The following CUX1 variants were observed in gnomAD, a reference collection of about 807,000 sequenced individuals.
The protein encoded by CUX1 is protein CASP.
Under a neutral mutation model 158.8 loss-of-function variants are expected in CUX1, and 31 were observed. That is an observed-to-expected ratio of 0.20 (90% confidence interval 0.15 to 0.26). The LOEUF (loss-of-function observed/expected upper bound fraction) is 0.26, where lower values mean the gene tolerates loss of function less well. Among genes scored for constraint, CUX1 ranks in the 10% least tolerant of loss-of-function variants. The pLI is 1.00. For synonymous variants in CUX1, 879 were observed against 862.1 expected, an observed-to-expected ratio of 1.02 and a Z score of -0.34; for missense variants, 1,589 against 2,014.6, an observed-to-expected ratio of 0.79 and a Z score of 4.04.
chr7:102,224,455 G>A (rs896828074), intron 20 of CUX1, among the ~76,000 whole-genome samples: 6 of 152,154 alleles, frequency 3.9e-5, no homozygotes, highest in Non-Finnish European at 5.9e-5. Context: ...TGATCTGCCC[G>A]CCTCAGCCTC....
chr7:101,996,227 C>T (rs901017314), intron 2 of CUX1, among the ~76,000 whole-genome samples: 5 of 152,170 alleles, frequency 3.3e-5, no homozygotes, highest in Admixed American at 2.6e-4. Flanking sequence ...AAGGCATGCA[C>T]ATGAGGATGG....
chr7:101,874,574 G>A (rs1020887878), intron 1 of CUX1, among the ~76,000 whole-genome samples: 12 of 152,184 alleles, frequency 7.9e-5, no homozygotes, highest in African/African-American at 2.2e-4. Flanking sequence ...ACGTTTCTGC[G>A]AGGTGGTGGG....
At chr7:101,844,242 C>G (rs887389242) in intron 1 of CUX1, among the ~76,000 whole-genome samples, 2 of 150,634 alleles carry the variant, frequency 1.3e-5, no homozygotes, top group African/African-American at 2.4e-5. Context: ...CTGCATCTCC[C>G]TGGTTTGCAC....
rs1804158202 is a variant in CUX1, at chr7:101,916,035, C to A, written c.31-80C>A. ...CCACTGGGGTCTCTCCCCCAGTGTT[C>A]TGGTCAAATGCAAATAGGACCCTCC... On this transcript the variant is annotated intron_variant, in intron 1 of 23. Coordinates refer to ENST00000292535, the MANE Select transcript of CUX1 (RefSeq NM_181552.4). The surrounding 1 kb of genome is among the most constrained non-coding windows in gnomAD (Gnocchi z 4.4). 2.0e-6 allele frequency: 2 copies of A among 983,074 alleles called. No individual in the cohort carries two copies. The highest frequency in any genetic ancestry group is 3.3e-6 in the Non-Finnish European group (2 of 611,898). 60.9% of individuals were successfully genotyped at this position (983,074 alleles called of 1,614,324 possible). A position where few individuals can be genotyped will look rare whatever the true frequency, so the allele number is the denominator to read the frequency against.
chr7:102,243,450 T>C (rs1465760477), intron 23 of CUX1, among the ~76,000 whole-genome samples: 1 of 151,784 alleles, frequency 6.6e-6, no homozygotes, highest in Non-Finnish European at 1.5e-5. Flanking sequence ...ATGAGCAGGC[T>C]CTTGAAAGGA....
chr7:101,948,674 G>T (rs1808676083), intron 2 of CUX1, among the ~76,000 whole-genome samples: 1 of 152,138 alleles, frequency 6.6e-6, no homozygotes, highest in African/African-American at 2.4e-5. Context: ...GGCTCTGCTG[G>T]GGGGGCATCA....
Position 102,255,159 on chromosome 7 carries a change from C to G in CUX1, c.*6117C>G. ...CTGGTCAGGGGAATAGAAGGAAATG[C>G]AATTTCCGCCTGTCTGCCCGACTTC... On this transcript the variant is annotated 3_prime_UTR_variant, in exon 24 of 24. Coordinates refer to ENST00000292535, the MANE Select transcript of CUX1 (RefSeq NM_181552.4). 6 of 985,472 alleles carry G rather than the reference C, an allele frequency of 6.1e-6. No individual in the cohort carries two copies. The highest frequency in any genetic ancestry group is 6.0e-6 in the Non-Finnish European group (5 of 829,978). The allele number at this position is 985,472 out of a possible 1,614,324, so 61.0% of individuals were successfully genotyped here.
chr7:101,852,042 C>A (rs1796316178), intron 1 of CUX1, among the ~76,000 whole-genome samples: 4 of 151,798 alleles, frequency 2.6e-5, no homozygotes, highest in African/African-American at 9.7e-5. Context: ...GTTGCCCGGA[C>A]TGGCCTTGAA....
intron 2 of CUX1, among the ~76,000 whole-genome samples, chr7:101,981,617 CTT>C (rs201125709): frequency 6.9e-6 from 1 of 145,626 alleles, no homozygotes. Context: ...AGTTTAAAGT[CTT>C]TTTTTTTTTT....
chr7:102,084,858 C>CTTTTT (rs60908109), intron 4 of CUX1, among the ~76,000 whole-genome samples: 391 of 55,922 alleles, frequency 7.0e-3, no homozygotes, highest in Middle Eastern at 0.025. Context: ...ATTTTCCTTG[C>CTTTTT]TTTTTTTTTT....
intron 3 of CUX1, among the ~76,000 whole-genome samples, chr7:102,042,578 G>C (rs752355156): frequency 6.6e-6 from 1 of 152,060 alleles, no homozygotes; most frequent in Admixed American, 6.6e-5. Flanking sequence ...TTTCCTGAAG[G>C]CTCTGTTATT....
At chr7:102,133,785 A>T (rs1393224098) in intron 8 of CUX1, among the ~76,000 whole-genome samples, 2 of 150,282 alleles carry the variant, frequency 1.3e-5, no homozygotes, top group African/African-American at 2.5e-5. Context: ...TAGAAAATAC[A>T]TCTTTATTTC....
chr7:102,051,868 G>A (rs1415738998), intron 3 of CUX1, among the ~76,000 whole-genome samples: 1 of 152,038 alleles, frequency 6.6e-6, no homozygotes, highest in African/African-American at 2.4e-5. Flanking sequence ...TATTCACCAA[G>A]TCATGCAGCC....
intron 1 of CUX1, among the ~76,000 whole-genome samples, chr7:101,915,474 G>T (rs1415841227): frequency 6.6e-6 from 1 of 152,192 alleles, no homozygotes; most frequent in Non-Finnish European, 1.5e-5. Flanking sequence ...TCTGAAAAGT[G>T]GTTGGAAATA....
intron 3 of CUX1, among the ~76,000 whole-genome samples, chr7:102,057,556 C>A (rs1392573466): frequency 6.6e-6 from 1 of 152,100 alleles, no homozygotes; most frequent in East Asian, 1.9e-4. Context: ...TGGATTCCAA[C>A]CCTCATGGAT....
intron 21 of CUX1, among the ~76,000 whole-genome samples, chr7:102,228,200 C>T (rs1798557532): frequency 6.6e-6 from 1 of 151,984 alleles, no homozygotes; most frequent in Admixed American, 6.6e-5. Flanking sequence ...ATCTGCCCAC[C>T]TCAGCCTCCA....
intron 8 of CUX1, among the ~76,000 whole-genome samples, chr7:102,125,232 G>A (rs1832495637): frequency 6.6e-6 from 1 of 152,130 alleles, no homozygotes; most frequent in Non-Finnish European, 1.5e-5. Flanking sequence ...AGAGCTGAAC[G>A]GCCTCTGTAG....
At chr7:102,014,405 G>T (rs1422023709) in intron 2 of CUX1, among the ~76,000 whole-genome samples, 1 of 152,168 alleles carries the variant, frequency 6.6e-6, no homozygotes, top group Non-Finnish European at 1.5e-5. Flanking sequence ...ATACAAATTA[G>T]ACTTCTTTTT....
chr7:102,128,870 C>T (rs1438488127), intron 8 of CUX1, among the ~76,000 whole-genome samples: 3 of 151,744 alleles, frequency 2.0e-5, no homozygotes, highest in Non-Finnish European at 4.4e-5. Flanking sequence ...TCTAGCTACT[C>T]GGGAGGCTGA....
Sources: gnomAD v4.1 joint callset for allele counts (sites outside exome capture counted in the v4.1 genomes callset) on GRCh38, gnomAD v4.1.1 for gene constraint, Gnocchi (gnomAD v3.1) non-coding constraint, MANE v1.5 for transcripts, NCBI Gene and HGNC (gene_info 2026-07-23, HGNC 2026-07-21) for gene names.